XPO1: variants seen among roughly 807,000 people sequenced by gnomAD.
XPO1 encodes the protein exportin 1.
In XPO1, 5 loss-of-function variants were observed where a neutral mutation model predicts 133.3. That is an observed-to-expected ratio of 0.04 (90% CI 0.02 to 0.08). The LOEUF (loss-of-function observed/expected upper bound fraction) is 0.08, where lower values mean the gene tolerates loss of function less well. XPO1 is among the 10% of genes least tolerant of loss of function. XPO1 has a pLI of 1.00. For missense variants in XPO1, 506 were observed against 1,267.5 expected, an observed-to-expected ratio of 0.40 and a Z score of 9.12; for synonymous variants, 419 against 408.2, an observed-to-expected ratio of 1.03 and a Z score of -0.32.
chr2:61,494,173 GA>G, intron 11 of XPO1, 82 bp from the exon 12 acceptor site: 1 of 1,291,396 alleles, frequency 7.7e-7, no homozygotes. Flanking sequence ...CACCTTAAGG[GA>G]AAATAAAAAT....
At chr2:61,530,768 G>A (rs1467737806) in intron 2 of XPO1, among the ~76,000 whole-genome samples, 1 of 146,104 alleles carries the variant, frequency 6.8e-6, no homozygotes. Flanking sequence ...TTTCCCAGTT[G>A]ACTTTAAAAG....
intron 2 of XPO1, among the ~76,000 whole-genome samples, chr2:61,532,099 CAGGTTT>C (rs1338895371): frequency 6.6e-6 from 1 of 151,964 alleles, no homozygotes; most frequent in Admixed American, 6.6e-5. Context: ...TAATGGCACT[CAGGTTT>C]AGGTTTTTTT....
intron 24 of XPO1, among the ~76,000 whole-genome samples, chr2:61,479,773 G>A (rs570310208): frequency 6.6e-6 from 1 of 152,206 alleles, no homozygotes; most frequent in East Asian, 1.9e-4. Context: ...ATGTTGCCCA[G>A]GCTGATCTCA....
intron 4 of XPO1, among the ~76,000 whole-genome samples, chr2:61,512,290 C>T (rs1698133770): frequency 6.6e-6 from 1 of 152,136 alleles, no homozygotes; most frequent in Admixed American, 6.6e-5. Context: ...CTCTGAGTAA[C>T]ACTATCAACT....
chr2:61,511,902 G>A (rs1326730434), intron 4 of XPO1, among the ~76,000 whole-genome samples: 1 of 152,028 alleles, frequency 6.6e-6, no homozygotes, highest in Non-Finnish European at 1.5e-5. Context: ...GGGATTCTGG[G>A]ATTACAGGCA....
At chr2:61,534,037 A>C in intron 1 of XPO1, 134 bp from the exon 2 acceptor site, 1 of 842,016 alleles carries the variant, frequency 1.2e-6, no homozygotes, top group Non-Finnish European at 1.6e-6. Context: ...AATTACAGAA[A>C]ACTGAGATAG....
At chr2:61,523,630 A>G (rs1384225451) in intron 3 of XPO1, among the ~76,000 whole-genome samples, 1 of 152,212 alleles carries the variant, frequency 6.6e-6, no homozygotes, top group Non-Finnish European at 1.5e-5. Flanking sequence ...ATATATAGAC[A>G]TATAACCTCA....
At chr2:61,488,414 A>G in intron 18 of XPO1, 143 bp from the exon 19 acceptor site, 1 of 1,194,964 alleles carries the variant, frequency 8.4e-7, no homozygotes, top group Non-Finnish European at 1.2e-6. Context: ...AATAAGCTTT[A>G]AGACTAATTT....
chr2:61,525,124 A>G (rs1698861549), intron 3 of XPO1: 1 of 265,228 alleles, frequency 3.8e-6, no homozygotes, highest in Admixed American at 6.5e-5. Flanking sequence ...AAATAAATGC[A>G]TGAAATGATC....
chr2:61,507,175 A>ATGCAGT (rs1471282801), intron 4 of XPO1, among the ~76,000 whole-genome samples: 31 of 144,634 alleles, frequency 2.1e-4, no homozygotes, highest in Non-Finnish European at 4.2e-4. Flanking sequence ...TGAACCCAAG[A>ATGCAGT]TGCAGTTGCA....
At chr2:61,489,894 ATT>A (rs1179171883) in intron 17 of XPO1, among the ~76,000 whole-genome samples, 35 of 133,014 alleles carry the variant, frequency 2.6e-4, no homozygotes, top group African/African-American at 5.9e-4. Context: ...AAATTACAGT[ATT>A]TTTTTTTTTT....
At chr2:61,515,241 C>T (rs1285592967) in intron 4 of XPO1, among the ~76,000 whole-genome samples, 1 of 152,144 alleles carries the variant, frequency 6.6e-6, no homozygotes, top group Admixed American at 6.6e-5. Context: ...ACTTATCCAA[C>T]TGTACACTTT....
Position 61,515,937 on chromosome 2 carries a change from C to CCACACACACACACACACA in XPO1, c.301+6656_301+6673dup, listed in dbSNP as rs35237510. ...TCTCTACTAAAAAAAAAAAAAAAAA[C>CCACACACACACACACACA]CACACACACACACACACACACACAC... On this transcript the variant is annotated intron_variant, in intron 4 of 24. Transcript: ENST00000401558. Among the ~76,000 whole-genome samples, 20 of 110,776 alleles carry CCACACACACACACACACA rather than the reference C, an allele frequency of 1.8e-4. 1 individual carries two copies. The highest frequency in any genetic ancestry group is 5.8e-4 in the African/African-American group (15 of 25,744). The allele number at this position is 110,776 out of a possible 152,430, so 72.7% of individuals were successfully genotyped here.
chr2:61,482,380 T>G lies in XPO1; in HGVS notation c.2972A>C (p.Asp991Ala). 6.2e-7 allele frequency: 1 copy of G among 1,605,710 alleles called. No individual in the cohort carries two copies. The highest frequency in any genetic ancestry group is 1.1e-5 in the South Asian group (1 of 89,542). Reference sequence around the variant, plus strand: ...TACGTTTATTAAAAGGTATATTTACTCTTGTAGGTGAGGGAAGGCCGACTT... The same window carrying G: ...TACGTTTATTAAAAGGTATATTTACGCTTGTAGGTGAGGGAAGGCCGACTT... ...LLKSAFPHLQDAQVKLFVTGL... is the reference protein window; with the variant it reads ...LLKSAFPHLQAAQVKLFVTGL... The change falls in exon 23 of 25, where the codon GAT (aspartate) becomes GCT (alanine). Residue 991 changes from aspartate (D) to alanine (A), a missense_variant and splice_region_variant. Around this residue, in one of 6 missense-constraint regions of XPO1, gnomAD observed 203 missense variants for 365.9 expected, o/e 0.55. Transcript: ENST00000401558.
chr2:61,533,093 C>T (rs537742078), intron 2 of XPO1, among the ~76,000 whole-genome samples: 4 of 152,272 alleles, frequency 2.6e-5, no homozygotes, highest in East Asian at 1.9e-4. Flanking sequence ...GCAAGACAAT[C>T]GCTTGAACCC....
At chr2:61,481,455 T>C (rs544053908) in intron 23 of XPO1, among the ~76,000 whole-genome samples, 174 bp from the exon 24 acceptor site, 1 of 151,620 alleles carries the variant, frequency 6.6e-6, no homozygotes, top group East Asian at 2.0e-4. Flanking sequence ...TTTTTTTTAA[T>C]CAAGAATTTT....
Position 61,526,411 on chromosome 2 carries a change from C to A in XPO1, c.228+9G>T, listed in dbSNP as rs779560863. The A allele has an allele frequency of 4.4e-6, 7 of 1,603,132 alleles. No homozygotes were observed. The South Asian group carries it at 7.9e-5, about 18-fold the overall frequency. ...GAAATAACAGATTTTAAAACCACCA[C>A]TTGCTTACTTTCGTATTCATATTCT... On this transcript the variant is annotated intron_variant, in intron 3 of 24. Transcript: ENST00000401558.
chr2:61,499,684 T>C (rs1697410983), intron 7 of XPO1, 29 bp downstream of exon 7: 1 of 1,542,020 alleles, frequency 6.5e-7, no homozygotes, highest in Non-Finnish European at 8.7e-7. Flanking sequence ...GAAATCACTT[T>C]AAAATTCTAA....
chr2:61,479,386 AG>A (rs780939551), intron 24 of XPO1, among the ~76,000 whole-genome samples: 3 of 151,766 alleles, frequency 2.0e-5, no homozygotes, highest in Non-Finnish European at 4.4e-5. Flanking sequence ...TGCATGGCGG[AG>A]GTTGCAGTGA....
Sources: gnomAD v4.1 joint callset for allele counts (sites outside exome capture counted in the v4.1 genomes callset) on GRCh38, gnomAD v4.1.1 for gene constraint, gnomAD v4.1.1 regional missense constraint, MANE v1.5 for transcripts, NCBI Gene and HGNC (gene_info 2026-07-23, HGNC 2026-07-21) for gene names.